EFR3B: variants seen among roughly 807,000 people sequenced by gnomAD.
EFR3B encodes EFR3 homolog B.
Under a neutral mutation model 104.7 loss-of-function variants are expected in EFR3B, and 64 were observed. The ratio of observed to expected loss-of-function variants is 0.61; its 90% CI spans 0.50 to 0.75. The LOEUF (loss-of-function observed/expected upper bound fraction) is 0.75. EFR3B is among the 30% of genes least tolerant of loss of function. EFR3B has a pLI of 0.00. For missense variants in EFR3B, 750 were observed against 1,078.5 expected (o/e 0.70, Z 4.27); for synonymous variants, 385 against 417.9 (o/e 0.92, Z 0.96).
rs569532249 is a variant in EFR3B at position 25,143,552 on chromosome 2, C to T, written c.1923-183C>T. On this transcript the variant is annotated intron_variant, in intron 17 of 22. Transcript: ENST00000403714. ...GCAGGTGCCTTTAATCCCAGCTACT[C>T]GGGAGGCTGAGGCAGGAGAATCGCT... Among the ~76,000 whole-genome samples the T allele has an allele frequency of 2.2e-4, 33 of 151,650 alleles. 1 individual carries two copies. The East Asian group carries it at 5.0e-3, about 23-fold the overall frequency.
Position 25,151,982 on chromosome 2 carries a change from G to A in EFR3B, c.2260G>A (p.Ala754Thr). Residue 754 changes from alanine (A) to threonine (T), a missense_variant, in exon 21 of 23, where the codon GCA (alanine) becomes ACA (threonine). Ala to Thr is a moderately conservative substitution (Grantham distance 58, BLOSUM62 0). Coordinates refer to ENST00000403714, the MANE Select transcript of EFR3B (RefSeq NM_014971.2). ...RRQVVEKFQK[A>T]PFEEIAAHCG... ...GCAGGTGGTGGAGAAGTTCCAGAAG[G>A]CACCCTTCGAGGAGATTGCTGCACA... 2 of 1,551,704 alleles carry A rather than the reference G, an allele frequency of 1.3e-6. No homozygotes were observed. The highest frequency in any genetic ancestry group is 1.7e-6 in the Non-Finnish European group (2 of 1,147,000).
At chr2:25,128,123 G>C (rs140015790) in intron 5 of EFR3B, 60 bp from the exon 6 acceptor site, 11 of 1,541,536 alleles carry the variant, frequency 7.1e-6, no homozygotes, top group Non-Finnish European at 9.6e-6. Flanking sequence ...CTTAGCCACC[G>C]AAGCTGGACT....
intron 20 of EFR3B, 71 bp downstream of exon 20, chr2:25,149,813 T>G: frequency 7.3e-7 from 1 of 1,372,978 alleles, no homozygotes; most frequent in Non-Finnish European, 1.0e-6. Flanking sequence ...TTCCTGCAGA[T>G]GCAGCAGGAC....
At chr2:25,098,922 A>G (rs920703876) in intron 3 of EFR3B, among the ~76,000 whole-genome samples, 3 of 145,290 alleles carry the variant, frequency 2.1e-5, no homozygotes, top group Non-Finnish European at 4.5e-5. Context: ...GAGGAAAAGC[A>G]GTAATCTAAG....
chr2:25,071,839 G>A (rs1390684208), intron 1 of EFR3B, among the ~76,000 whole-genome samples: 1 of 152,226 alleles, frequency 6.6e-6, no homozygotes, highest in Non-Finnish European at 1.5e-5. Flanking sequence ...TCCTGGTGAA[G>A]TGTGTCCTGT....
intron 1 of EFR3B, among the ~76,000 whole-genome samples, chr2:25,052,793 T>G (rs1313090387): frequency 6.6e-6 from 1 of 151,910 alleles, no homozygotes; most frequent in Non-Finnish European, 1.5e-5. Context: ...ATGAGCCACT[T>G]TGCCCAGCCT....
intron 22 of EFR3B, 125 bp downstream of exon 22, chr2:25,153,886 C>G: frequency 2.9e-6 from 3 of 1,047,666 alleles, no homozygotes; most frequent in Non-Finnish European, 4.3e-6. Context: ...ACTGTAATCT[C>G]TATCCCCTGG....
chr2:25,118,689 A>C (rs1669929937), intron 4 of EFR3B, among the ~76,000 whole-genome samples: 1 of 130,374 alleles, frequency 7.7e-6, no homozygotes, highest in Non-Finnish European at 1.6e-5. Context: ...CAGGAGTTTG[A>C]GACCAGCCTG....
intron 5 of EFR3B, among the ~76,000 whole-genome samples, chr2:25,125,830 C>T (rs1007889087): frequency 3.3e-5 from 5 of 152,178 alleles, no homozygotes; most frequent in South Asian, 2.1e-4. Flanking sequence ...CGCCTGTAGT[C>T]CCAGCTACTG....
intron 4 of EFR3B, among the ~76,000 whole-genome samples, chr2:25,107,498 G>C (rs1355549036): frequency 2.0e-5 from 3 of 152,194 alleles, no homozygotes; most frequent in Non-Finnish European, 4.4e-5. Flanking sequence ...CGCATCTCTG[G>C]AGAGGAGACC....
rs1671081514 is a variant in EFR3B, at chr2:25,153,775, C to T, written c.2348+14C>T. The T allele has an allele frequency of 6.4e-7, 1 of 1,551,678 alleles. No individual in the cohort carries two copies. The highest frequency in any genetic ancestry group is 8.7e-7 in the Non-Finnish European group (1 of 1,146,984). Reference sequence around the variant, plus strand: ...AATCACCATCCGGTAAGTGACAACCCTGGGCAGGGGACCCTGACCTCCGTG... The same window carrying T: ...AATCACCATCCGGTAAGTGACAACCTTGGGCAGGGGACCCTGACCTCCGTG... On this transcript the variant is annotated intron_variant, in intron 22 of 22. Transcript: ENST00000403714.
chr2:25,045,514 G>A (rs1239067931), intron 1 of EFR3B, among the ~76,000 whole-genome samples: 1 of 152,248 alleles, frequency 6.6e-6, no homozygotes, highest in South Asian at 2.1e-4. Context: ...GGGCGTGGTG[G>A]CTCACGCCTG....
rs561496787 is a variant in EFR3B, at chr2:25,133,011, C to T, written c.1256C>T (p.Thr419Met). 9.0e-6 allele frequency: 14 copies of T among 1,551,312 alleles called. No individual in the cohort carries two copies. The East Asian group carries it at 9.8e-5, about 11-fold the overall frequency. Residue 419 changes from threonine to methionine, a missense_variant, in exon 11 of 23, where the codon ACG (threonine) becomes ATG (methionine). Transcript: ENST00000403714. ...SLHQAVDTGR[T>M]GENRNRLTQI... is the part of the protein sequence containing the mutation. ...CACCAGGCGGTGGACACAGGCAGGACGGGGTGAGCCACCAATCTCCCCCAG... is the reference window on the plus strand; with the variant it reads ...CACCAGGCGGTGGACACAGGCAGGATGGGGTGAGCCACCAATCTCCCCCAG...
chr2:25,117,599 G>T (rs967064427), intron 4 of EFR3B, among the ~76,000 whole-genome samples: 1 of 152,090 alleles, frequency 6.6e-6, no homozygotes, highest in South Asian at 2.1e-4. Flanking sequence ...TTTTAGTGGA[G>T]ATGGGGTTTC....
At chr2:25,054,038 G>C (rs1005717099) in intron 1 of EFR3B, among the ~76,000 whole-genome samples, 12 of 152,248 alleles carry the variant, frequency 7.9e-5, no homozygotes, top group African/African-American at 2.9e-4. Context: ...GTCCTGCGCA[G>C]ATCCCTTATC....
Position 25,132,955 on chromosome 2 carries a change from C to T in EFR3B, c.1200C>T (p.Phe400=). 1 of 1,551,670 alleles carries T rather than the reference C, an allele frequency of 6.4e-7. No individual in the cohort carries two copies. Among genetic ancestry groups the T allele is most frequent in the Non-Finnish European group, 8.7e-7 (1 of 1,146,972 alleles). ...PTYQRSEVIL[F]IMSKVPRPSL... ...ACCAGCGCTCCGAGGTGATCCTCTTCATCATGAGCAAGGTCCCGCGGCCAT... is the reference window on the plus strand; with the variant it reads ...ACCAGCGCTCCGAGGTGATCCTCTTTATCATGAGCAAGGTCCCGCGGCCAT... The change falls in exon 11 of 23, where the codon TTC becomes TTT. Residue 400 remains phenylalanine (F), a synonymous_variant. Transcript: ENST00000403714.
At chr2:25,125,863 G>C (rs1670152937) in intron 5 of EFR3B, among the ~76,000 whole-genome samples, 2 of 152,314 alleles carry the variant, frequency 1.3e-5, no homozygotes, top group South Asian at 4.1e-4. Context: ...CAGGAGAATG[G>C]CGTGAACCCG....
chr2:25,080,382 C>G, intron 1 of EFR3B: 2 of 546,296 alleles, frequency 3.7e-6, no homozygotes, highest in Admixed American at 3.2e-5. Context: ...GCAACCTCCG[C>G]CTCCCATGTT....
intron 1 of EFR3B, among the ~76,000 whole-genome samples, chr2:25,064,907 C>T (rs1214882677): frequency 6.6e-6 from 1 of 152,084 alleles, no homozygotes; most frequent in Non-Finnish European, 1.5e-5. Flanking sequence ...AATAAATTAA[C>T]AGTAATTTTA....
Sources: gnomAD v4.1 joint callset for allele counts (sites outside exome capture counted in the v4.1 genomes callset) on GRCh38, gnomAD v4.1.1 for gene constraint, MANE v1.5 for transcripts, NCBI Gene and HGNC (gene_info 2026-07-23, HGNC 2026-07-21) for gene names.